The following SHROOM3 variants were observed in gnomAD, a reference collection of about 807,000 sequenced individuals.
SHROOM3 encodes shroom family member 3.
Under a neutral mutation model 138.6 loss-of-function variants are expected in SHROOM3, and 47 were observed. The ratio of observed to expected loss-of-function variants is 0.34; its 90% CI spans 0.27 to 0.43. The LOEUF (loss-of-function observed/expected upper bound fraction) is 0.43, where lower values mean the gene tolerates loss of function less well. Among genes scored for constraint, SHROOM3 ranks in the 20% least tolerant of loss-of-function variants. The probability of loss-of-function intolerance (pLI) is 1.00; values close to 1 mark genes in which losing one functional copy is unlikely to be tolerated. For missense variants in SHROOM3, 2,491 were observed against 2,596.5 expected (o/e 0.96, Z 0.88); for synonymous variants, 1,062 against 1,063.3 (o/e 1.00, Z 0.02).
intron 2 of SHROOM3, among the ~76,000 whole-genome samples, chr4:76,604,758 A>G (rs1734580915): frequency 6.6e-6 from 1 of 152,244 alleles, no homozygotes; most frequent in African/African-American, 2.4e-5. Context: ...ACACTAAAAT[A>G]GTAAGTTTTG....
chr4:76,507,893 C>T (rs562480032), intron 1 of SHROOM3, among the ~76,000 whole-genome samples: 2 of 152,184 alleles, frequency 1.3e-5, no homozygotes, highest in African/African-American at 4.8e-5. Context: ...ATCCTTTGCT[C>T]ATTTTAAAAA....
rs569489850 is a variant in SHROOM3, at chr4:76,740,708, G to A, written c.2535G>A (p.Glu845=). ...SESAEPLGNG[E]QHFKNGELKL... ...CAGCTGAACCCCTAGGCAACGGGGA[G>A]CAGCACTTCAAAAACGGGGAGCTGA... The change falls in exon 5 of 11, where the codon GAG becomes GAA. Residue 845 remains glutamate, a synonymous_variant. Transcript: ENST00000296043. This position sits in a 1 kb window ranked among gnomAD's most constrained non-coding sequence, Gnocchi z 4.0. The A allele has an allele frequency of 6.0e-5, 97 of 1,613,814 alleles. No homozygotes were observed. In the East Asian group the frequency reaches 1.7e-3, roughly 29 times the overall value.
At chr4:76,772,659 T>C (rs1324438793) in intron 10 of SHROOM3, among the ~76,000 whole-genome samples, 4 of 152,168 alleles carry the variant, frequency 2.6e-5, no homozygotes, top group African/African-American at 7.2e-5. Flanking sequence ...CTCAGAAGTG[T>C]GTCCTGTCCT....
chr4:76,493,167 G>A (rs966623698), intron 1 of SHROOM3, among the ~76,000 whole-genome samples: 2 of 137,678 alleles, frequency 1.5e-5, no homozygotes, highest in Admixed American at 8.2e-5. Context: ...GTTGCAGTGA[G>A]CCAAGATCGT....
chr4:76,716,234 G>A, intron 3 of SHROOM3: 1 of 497,992 alleles, frequency 2.0e-6, no homozygotes, highest in South Asian at 1.5e-5. Flanking sequence ...AGCTGGGCAA[G>A]TTCAAGGCGA....
At chr4:76,449,426 A>G (rs938887752) in intron 1 of SHROOM3, among the ~76,000 whole-genome samples, 1 of 152,254 alleles carries the variant, frequency 6.6e-6, no homozygotes, top group Non-Finnish European at 1.5e-5. Context: ...GCAATAGAAT[A>G]TGACACAGTT....
At chr4:76,697,977 G>A (rs1029285310) in intron 2 of SHROOM3, among the ~76,000 whole-genome samples, 2 of 152,140 alleles carry the variant, frequency 1.3e-5, no homozygotes, top group Non-Finnish European at 2.9e-5. Context: ...TAGAAAATCA[G>A]CCCATGGAAC....
chr4:76,583,149 A>G (rs1734083469), intron 2 of SHROOM3, among the ~76,000 whole-genome samples: 1 of 152,078 alleles, frequency 6.6e-6, no homozygotes. Context: ...GGGCTGGGGG[A>G]GCAGCGTGGT....
At chr4:76,542,825 A>G (rs1401637283) in intron 1 of SHROOM3, among the ~76,000 whole-genome samples, 2 of 152,244 alleles carry the variant, frequency 1.3e-5, no homozygotes, top group African/African-American at 4.8e-5. Flanking sequence ...ATACAGTGGT[A>G]AAGCTGAAGC....
chr4:76,518,115 G>T (rs71607358), intron 1 of SHROOM3, among the ~76,000 whole-genome samples: 15,252 of 152,234 alleles, frequency 0.1, 861 homozygotes, highest in South Asian at 0.21. Context: ...TTGGTTGTGT[G>T]TGTGTATGTG....
chr4:76,776,771 T>G (rs1295399981), intron 10 of SHROOM3, among the ~76,000 whole-genome samples: 2 of 152,228 alleles, frequency 1.3e-5, no homozygotes, highest in Non-Finnish European at 2.9e-5. Context: ...GAATAGATTT[T>G]TGTGTAAGGT....
At chr4:76,450,458 T>C (rs1730903870) in intron 1 of SHROOM3, among the ~76,000 whole-genome samples, 2 of 152,366 alleles carry the variant, frequency 1.3e-5, no homozygotes, top group South Asian at 4.1e-4. Flanking sequence ...GCCTCATTGT[T>C]CACAATTTTT....
At chr4:76,668,412 C>G (rs187794259) in intron 2 of SHROOM3, among the ~76,000 whole-genome samples, 1 of 151,788 alleles carries the variant, frequency 6.6e-6, no homozygotes, top group African/African-American at 2.4e-5. Flanking sequence ...AATACAACAA[C>G]AACAACAAAA....
At chr4:76,466,990 T>C (rs960178834) in intron 1 of SHROOM3, among the ~76,000 whole-genome samples, 4 of 152,018 alleles carry the variant, frequency 2.6e-5, no homozygotes, top group Non-Finnish European at 5.9e-5. Flanking sequence ...GTGCCAACCC[T>C]TGTGCTGGAT....
chr4:76,469,250 A>G lies in SHROOM3; in HGVS notation c.168+33030A>G, dbSNP rs180843119. On this transcript the variant is annotated intron_variant, in intron 1 of 10. Coordinates refer to ENST00000296043, the MANE Select transcript of SHROOM3 (RefSeq NM_020859.4). ...CATTTCAATTTTTAAAATTAAGGAA[A>G]TTTTGGTTTTGACTATAGGTCCTAG... Among the ~76,000 whole-genome samples, 17 of 152,222 alleles carry G rather than the reference A, an allele frequency of 1.1e-4. No homozygotes were observed. In the East Asian group the frequency reaches 3.3e-3, roughly 29 times the overall value.
intron 2 of SHROOM3, among the ~76,000 whole-genome samples, chr4:76,624,962 A>G (rs986004353): frequency 2.6e-5 from 4 of 152,214 alleles, no homozygotes; most frequent in Admixed American, 2.0e-4. Context: ...ACCTCAGTAC[A>G]ATGATATTAT....
intron 1 of SHROOM3, among the ~76,000 whole-genome samples, chr4:76,521,166 T>C (rs1405165542): frequency 1.3e-5 from 2 of 152,322 alleles, no homozygotes; most frequent in East Asian, 3.9e-4. Context: ...TGATTAAAGT[T>C]GAGTACCTTT....
chr4:76,493,729 C>T (rs1435764860), intron 1 of SHROOM3, among the ~76,000 whole-genome samples: 1 of 152,138 alleles, frequency 6.6e-6, no homozygotes, highest in African/African-American at 2.4e-5. Context: ...GCCTGTAATC[C>T]CAACATTTTG....
chr4:76,747,289 CT>C (rs1721470713), intron 5 of SHROOM3, among the ~76,000 whole-genome samples: 1 of 151,862 alleles, frequency 6.6e-6, no homozygotes, highest in African/African-American at 2.4e-5. Flanking sequence ...CTTTGTACTT[CT>C]TACCAATTTA....
Sources: gnomAD v4.1 joint callset for allele counts (sites outside exome capture counted in the v4.1 genomes callset) on GRCh38, gnomAD v4.1.1 for gene constraint, Gnocchi (gnomAD v3.1) non-coding constraint, MANE v1.5 for transcripts, NCBI Gene and HGNC (gene_info 2026-07-23, HGNC 2026-07-21) for gene names.